The following PPARGC1A variants were observed in gnomAD, a reference collection of about 807,000 sequenced individuals.
PPARGC1A encodes PPARG coactivator 1 alpha, also known as peroxisome proliferator-activated receptor gamma coactivator 1-alpha.
A neutral mutation model predicts 88.7 loss-of-function variants in PPARGC1A; 25 were observed. That is an observed-to-expected ratio of 0.28 (90% CI 0.21 to 0.39). The LOEUF (loss-of-function observed/expected upper bound fraction) is 0.39, where lower values mean the gene tolerates loss of function less well. Among genes scored for constraint, PPARGC1A ranks in the 10% least tolerant of loss-of-function variants. The pLI is 1.00. For missense variants in PPARGC1A, 880 were observed against 968.7 expected (o/e 0.91, Z 1.22); for synonymous variants, 363 against 355.6 (o/e 1.02, Z -0.24).
Position 23,884,956 on chromosome 4 carries a change from T to G in PPARGC1A, c.55-25A>C, listed in dbSNP as rs774449765. 5.9e-6 allele frequency: 9 copies of G among 1,516,026 alleles called. No homozygotes were observed. The South Asian group carries it at 1.2e-4, about 20-fold the overall frequency. The allele number at this position is 1,516,026 out of a possible 1,614,324, so 93.9% of individuals were successfully genotyped here. ...ACTGCAGGAGGCAGAAAAAAAAAAT[T>G]TAAAAAAGCTTCCATTAACCACAGG... On this transcript the variant is annotated intron_variant, in intron 1 of 12. Transcript: ENST00000264867.
chr4:24,322,357 C>A, the PPARGC1A span, among the ~76,000 whole-genome samples: 1 of 152,218 alleles, frequency 6.6e-6, no homozygotes, highest in Non-Finnish European at 1.5e-5. Flanking sequence ...GTTGTAGCTT[C>A]GCTACAATGG....
intron 12 of PPARGC1A, among the ~76,000 whole-genome samples, chr4:23,800,641 T>C (rs962631327): frequency 2.0e-5 from 3 of 151,226 alleles, no homozygotes; most frequent in African/African-American, 7.3e-5. Context: ...TGTAAGAAAT[T>C]AGACATGCTG....
chr4:24,152,947 CATTA>C, the PPARGC1A span, among the ~76,000 whole-genome samples: 19 of 152,278 alleles, frequency 1.2e-4, no homozygotes, highest in South Asian at 4.1e-4. Context: ...AGACAGAAGA[CATTA>C]ATTAAATAAT....
chr4:24,412,386 T>C, the PPARGC1A span, among the ~76,000 whole-genome samples: 1 of 151,912 alleles, frequency 6.6e-6, no homozygotes, highest in Non-Finnish European at 1.5e-5. Context: ...TATTTTTTAA[T>C]GGTTAGGGGG....
the PPARGC1A span, among the ~76,000 whole-genome samples, chr4:24,300,407 T>C: frequency 1.5e-5 from 2 of 136,506 alleles, no homozygotes; most frequent in East Asian, 4.6e-4. Context: ...CATATTGGCA[T>C]ATATATGTGC....
the PPARGC1A span, among the ~76,000 whole-genome samples, chr4:24,139,126 A>G: frequency 4.7e-5 from 7 of 150,462 alleles, no homozygotes; most frequent in African/African-American, 1.7e-4. Context: ...GCTTTTCTCC[A>G]CTATCAGAAA....
At chr4:23,899,841 C>T (rs1223536429), upstream of PPARGC1A, among the ~76,000 whole-genome samples, 4 of 152,148 alleles carry the variant, frequency 2.6e-5, no homozygotes, top group Non-Finnish European at 5.9e-5. Flanking sequence ...TTCTTTCTTG[C>T]TGTCTGTGCT....
the PPARGC1A span, among the ~76,000 whole-genome samples, chr4:24,052,431 C>A: frequency 3.3e-5 from 5 of 151,988 alleles, no homozygotes; most frequent in South Asian, 1.0e-3. Flanking sequence ...GAGGTCAGGA[C>A]TTTGAGACCA....
chr4:24,193,236 A>G, the PPARGC1A span, among the ~76,000 whole-genome samples: 3 of 152,166 alleles, frequency 2.0e-5, no homozygotes, highest in Non-Finnish European at 4.4e-5. Context: ...TCTAGCTGCA[A>G]CTCAACAACA....
chr4:24,269,903 GAACTT>G, the PPARGC1A span, among the ~76,000 whole-genome samples: 1 of 152,218 alleles, frequency 6.6e-6, no homozygotes, highest in East Asian at 1.9e-4. Context: ...GGACATAATA[GAACTT>G]AACTATGAGA....
Position 23,808,250 on chromosome 4 carries a change from C to CAAAA in PPARGC1A, c.2019+4493_2019+4496dup, listed in dbSNP as rs527466137. Among the ~76,000 whole-genome samples the CAAAA allele has an allele frequency of 1.4e-3, 129 of 93,794 alleles. 2 individuals are homozygous for CAAAA. The highest frequency in any genetic ancestry group is 5.1e-3 in the African/African-American group (127 of 24,824). 61.5% of individuals were successfully genotyped at this position (93,794 alleles called of 152,430 possible). ...TGGGAGACAGAGCAAGACTCCATCT[C>CAAAA]AAAAAAAAAAAAAAAAAACCCTGAG... On this transcript the variant is annotated intron_variant, in intron 10 of 12. Coordinates refer to ENST00000264867, the MANE Select transcript of PPARGC1A (RefSeq NM_013261.5).
chr4:23,985,511 C>T, the PPARGC1A span, among the ~76,000 whole-genome samples: 3 of 148,006 alleles, frequency 2.0e-5, no homozygotes, highest in South Asian at 2.1e-4. Flanking sequence ...GAACTGTGGG[C>T]ATTGATTCTC....
the PPARGC1A span, among the ~76,000 whole-genome samples, chr4:24,118,536 C>G: frequency 0.027 from 4,067 of 152,190 alleles, 174 homozygotes; most frequent in African/African-American, 0.088. Flanking sequence ...AGGCAAGCCA[C>G]AGTAGAATAT....
the PPARGC1A span, among the ~76,000 whole-genome samples, chr4:23,999,720 C>T: frequency 1.4e-4 from 21 of 152,268 alleles, no homozygotes; most frequent in African/African-American, 4.6e-4. Context: ...GCTTATTGAA[C>T]GGTCGGCTAT....
At chr4:24,203,268 G>C in the PPARGC1A span, among the ~76,000 whole-genome samples, 8 of 152,210 alleles carry the variant, frequency 5.3e-5, no homozygotes, top group Non-Finnish European at 8.8e-5. Context: ...GCCGGACGTG[G>C]TGGCTCACAC....
intron 1 of PPARGC1A, among the ~76,000 whole-genome samples, chr4:23,898,058 A>G (rs933947168): frequency 2.0e-5 from 3 of 152,244 alleles, no homozygotes; most frequent in Admixed American, 1.3e-4. Flanking sequence ...GGTCTACAGC[A>G]GCTAAGGAAA....
chr4:24,043,039 T>C, the PPARGC1A span, among the ~76,000 whole-genome samples: 1 of 152,316 alleles, frequency 6.6e-6, no homozygotes, highest in East Asian at 1.9e-4. Context: ...TGACCTAATC[T>C]GTCAGGAAGC....
chr4:24,208,891 C>G, the PPARGC1A span, among the ~76,000 whole-genome samples: 1 of 152,004 alleles, frequency 6.6e-6, no homozygotes. Context: ...GCTTTATCAG[C>G]ACTTTGTGAT....
chr4:24,427,282 ATTTT>A, the PPARGC1A span, among the ~76,000 whole-genome samples: 1 of 136,722 alleles, frequency 7.3e-6, no homozygotes, highest in African/African-American at 2.7e-5. Context: ...TTCTTTATTT[ATTTT>A]TTTTTTTTTT....
Sources: allele counts gnomAD v4.1 joint callset (sites outside exome capture counted in the v4.1 genomes callset), GRCh38; gene constraint gnomAD v4.1.1; transcripts MANE v1.5; gene names NCBI Gene and HGNC (gene_info 2026-07-23, HGNC 2026-07-21).